SLC2A5: variants seen among roughly 807,000 people sequenced by gnomAD.
SLC2A5 encodes the protein solute carrier family 2 member 5, also known as solute carrier family 2, facilitated glucose transporter member 5.
In SLC2A5, 56 loss-of-function variants were observed where a neutral mutation model predicts 50.3. The observed-to-expected ratio is 1.11, with a 90% CI of 0.90 to 1.39. SLC2A5 has a LOEUF of 1.39. Among genes scored for constraint, SLC2A5 ranks in the 40% most tolerant of loss-of-function variants. The probability of loss-of-function intolerance (pLI) is 0.00; values close to 1 mark genes in which losing one functional copy is unlikely to be tolerated. For synonymous variants in SLC2A5, 269 were observed against 281.9 expected, an observed-to-expected ratio of 0.95 and a Z score of 0.46; for missense variants, 566 against 650.1, an observed-to-expected ratio of 0.87 and a Z score of 1.41.
intron 3 of SLC2A5, among the ~76,000 whole-genome samples, chr1:9,052,042 T>TTGG (rs1462608404): frequency 1.3e-5 from 2 of 152,156 alleles, no homozygotes; most frequent in Admixed American, 6.5e-5. Context: ...TCCCAGCACC[T>TTGG]TGGGAGGCCG....
intron 3 of SLC2A5, among the ~76,000 whole-genome samples, chr1:9,053,065 T>C (rs868118347): frequency 2.5e-5 from 2 of 79,764 alleles, no homozygotes; most frequent in Middle Eastern, 5.0e-3. Context: ...ATAATATATA[T>C]TATATATTTA....
chr1:9,050,010 G>T (rs1453266530), intron 3 of SLC2A5, among the ~76,000 whole-genome samples: 1 of 151,982 alleles, frequency 6.6e-6, no homozygotes, highest in Non-Finnish European at 1.5e-5. Context: ...AGTGGCTCAC[G>T]CCTGTAATCC....
chr1:9,090,213 T>A (rs114230357), upstream of SLC2A5, among the ~76,000 whole-genome samples: 3,262 of 152,210 alleles, frequency 0.021, 104 homozygotes, highest in African/African-American at 0.073. Context: ...TATATTATTA[T>A]GTCAAGAACA....
upstream of SLC2A5, chr1:9,071,665 C>A (rs1259679167): frequency 6.6e-6 from 1 of 152,344 alleles, no homozygotes; most frequent in Non-Finnish European, 1.5e-5. Context: ...AGCTGCGGGC[C>A]GCAGTACCCG....
chr1:9,058,735 C>A (rs1245224444), intron 1 of SLC2A5, among the ~76,000 whole-genome samples: 1 of 151,974 alleles, frequency 6.6e-6, no homozygotes, highest in Non-Finnish European at 1.5e-5. Flanking sequence ...CTTGCACCAT[C>A]TCAAACATAA....
chr1:9,076,455 C>T (rs1053702985), intron 2 of SLC2A5, among the ~76,000 whole-genome samples: 1 of 152,174 alleles, frequency 6.6e-6, no homozygotes, highest in African/African-American at 2.4e-5. Context: ...TCATTTCTCC[C>T]CTTAAGCCCT....
At chr1:9,070,863 G>A (rs534070755), upstream of SLC2A5, among the ~76,000 whole-genome samples, 6 of 151,508 alleles carry the variant, frequency 4.0e-5, no homozygotes, top group East Asian at 1.9e-4. Context: ...TTGGGGGGTC[G>A]GGGGGGTCCC....
At chr1:9,063,371 AT>A (rs973664083) in intron 1 of SLC2A5, among the ~76,000 whole-genome samples, 2 of 150,244 alleles carry the variant, frequency 1.3e-5, no homozygotes, top group African/African-American at 2.5e-5. Flanking sequence ...ATTTATTTAA[AT>A]TTTTTTTGTT....
intron 7 of SLC2A5, 47 bp downstream of exon 7, chr1:9,039,753 C>A: frequency 3.5e-6 from 5 of 1,435,294 alleles, no homozygotes; most frequent in Non-Finnish European, 3.7e-6. Flanking sequence ...CTGCGCCCCG[C>A]GCCCCCCGAG....
chr1:9,077,327 A>G (rs989552208), intron 2 of SLC2A5, among the ~76,000 whole-genome samples: 1 of 146,618 alleles, frequency 6.8e-6, no homozygotes, highest in Middle Eastern at 3.4e-3. Context: ...TGAGCCTGGG[A>G]GGTGGAGGTT....
chr1:9,066,132 TCA>T (rs1642075907), intron 1 of SLC2A5, among the ~76,000 whole-genome samples: 4 of 152,148 alleles, frequency 2.6e-5, no homozygotes, highest in African/African-American at 9.7e-5. Flanking sequence ...TCTAGGATAC[TCA>T]ACTAGTTGCT....
At position 9,040,478 on chromosome 1, in the gene SLC2A5, A is replaced by G. The variant is rs1641271791; in HGVS notation, c.572-289T>C. The G allele has an allele frequency of 2.6e-6, 1 of 377,914 alleles. No homozygotes were observed. Among genetic ancestry groups the G allele is most frequent in the Non-Finnish European group, 4.8e-6 (1 of 206,372 alleles). The allele number at this position is 377,914 out of a possible 1,614,324, so 23.4% of individuals were successfully genotyped here. On this transcript the variant is annotated intron_variant, in intron 5 of 11. Coordinates refer to ENST00000377424, the MANE Select transcript of SLC2A5 (RefSeq NM_003039.3). The surrounding 1 kb of genome is among the most constrained non-coding windows in gnomAD (Gnocchi z 4.3). The stretch of plus-strand genomic sequence containing the variant: ...CGTGTCCTTCAGAGGACAGTCTTGC[A>G]GGGGCTGGAGGAGCTGGGCATACCC...
At chr1:9,084,147 A>AT (rs1642382114) in intron 2 of SLC2A5, among the ~76,000 whole-genome samples, 2 of 152,186 alleles carry the variant, frequency 1.3e-5, no homozygotes, top group African/African-American at 4.8e-5. Flanking sequence ...GTCTCAAAAA[A>AT]AAAAAAATAA....
chr1:9,047,166 G>A (rs1029093934), intron 4 of SLC2A5, among the ~76,000 whole-genome samples: 1 of 152,152 alleles, frequency 6.6e-6, no homozygotes, highest in African/African-American at 2.4e-5. Context: ...CTAATACACA[G>A]GGTTTCACTG....
At chr1:9,047,496 A>G (rs1557666545) in intron 4 of SLC2A5, 114 bp downstream of exon 4, 1 of 1,077,382 alleles carries the variant, frequency 9.3e-7, no homozygotes, top group South Asian at 1.5e-5. Context: ...GCAGAGGTAT[A>G]GGAACGCTTT....
In SLC2A5 at chr1:9,040,165, G is replaced by T; in HGVS notation, c.596C>A (p.Thr199Asn). The change falls in exon 6 of 12, where the codon ACC becomes AAC. Residue 199 changes from threonine (T) to asparagine (N), a missense_variant. Physicochemically the swap from Thr to Asn is moderately conservative, Grantham distance 65. Transcript: ENST00000377424. The surrounding 1 kb of genome is among the most constrained non-coding windows in gnomAD (Gnocchi z 4.3). Reference sequence around the variant, plus strand: ...GAGCTGCAGCGCCGCGGGGACCCCGGTCAGCCCCAGCAGGATCGGCCAGCC... The same window carrying T: ...GAGCTGCAGCGCCGCGGGGACCCCGTTCAGCCCCAGCAGGATCGGCCAGCC... ...VDGWPILLGL[T>N]GVPAALQLLL... 6.4e-7 allele frequency: 1 copy of T among 1,555,224 alleles called. No homozygotes were observed. Among genetic ancestry groups the T allele is most frequent in the Non-Finnish European group, 8.7e-7 (1 of 1,150,550 alleles).
intron 3 of SLC2A5, 92 bp downstream of exon 3, chr1:9,057,356 G>T: frequency 2.4e-5 from 15 of 631,582 alleles, no homozygotes; most frequent in Admixed American, 3.2e-5. Context: ...TATTATCTTA[G>T]TCTCATGGTA....
intron 1 of SLC2A5, among the ~76,000 whole-genome samples, chr1:9,063,595 A>G (rs112759384): frequency 0.078 from 11,258 of 143,784 alleles, 614 homozygotes; most frequent in Middle Eastern, 0.17. Flanking sequence ...CTGGTCTCAA[A>G]CTCCTGACCT....
chr1:9,049,511 A>C (rs954340400), intron 3 of SLC2A5, among the ~76,000 whole-genome samples: 8 of 151,356 alleles, frequency 5.3e-5, no homozygotes, highest in African/African-American at 1.9e-4. Flanking sequence ...CATCACATGA[A>C]GTCAGGAGCT....
Sources: allele counts gnomAD v4.1 joint callset (sites outside exome capture counted in the v4.1 genomes callset), GRCh38; gene constraint gnomAD v4.1.1; non-coding constraint Gnocchi (gnomAD v3.1); transcripts MANE v1.5; gene names NCBI Gene and HGNC (gene_info 2026-07-23, HGNC 2026-07-21).